MSH3: variants seen among roughly 807,000 people sequenced by gnomAD.
The protein encoded by MSH3 is mutS homolog 3.
In MSH3, 106 loss-of-function variants were observed where a neutral mutation model predicts 123.3. The observed-to-expected ratio is 0.86, with a 90% confidence interval of 0.73 to 1.01. The LOEUF is 1.01. MSH3 is among the 50% of genes least tolerant of loss of function. The pLI is 0.00. For synonymous variants in MSH3, 515 were observed against 481.4 expected, an observed-to-expected ratio of 1.07 and a Z score of -0.91; for missense variants, 1,459 against 1,347.6, an observed-to-expected ratio of 1.08 and a Z score of -1.29.
intron 20 of MSH3, 129 bp downstream of exon 20, chr5:80,813,870 T>C: frequency 1.8e-6 from 2 of 1,088,484 alleles, no homozygotes; most frequent in Non-Finnish European, 2.8e-6. Flanking sequence ...CTTAAATAAA[T>C]TATTTCAAGG....
intron 13 of MSH3, among the ~76,000 whole-genome samples, chr5:80,767,434 A>G (rs1744142050): frequency 1.3e-5 from 2 of 152,094 alleles, no homozygotes; most frequent in South Asian, 2.1e-4. Context: ...GCTATCCTAT[A>G]TTTCTAATTT....
chr5:80,696,259 C>T (rs1248645716), intron 8 of MSH3, among the ~76,000 whole-genome samples: 1 of 152,184 alleles, frequency 6.6e-6, no homozygotes, highest in Non-Finnish European at 1.5e-5. Context: ...AAGGATGAAC[C>T]TCTTGTTTGC....
rs1028283178 is a variant in MSH3, at chr5:80,783,577, G to A, written c.2436-3988G>A. ...TTCTTGCTTTTTTGTTGTTTTAACT[G>A]AAATGGGACCCACTAAGAGCTGTGT... On this transcript the variant is annotated intron_variant, in intron 17 of 23. Transcript: ENST00000265081. 3.3e-5 allele frequency among the ~76,000 whole-genome samples: 5 copies of A among 152,196 alleles called. No individual in the cohort carries two copies. In the South Asian group the frequency reaches 1.0e-3, roughly 32 times the overall value.
intron 20 of MSH3, among the ~76,000 whole-genome samples, chr5:80,822,217 G>T (rs1049063879): frequency 5.3e-5 from 8 of 152,196 alleles, no homozygotes; most frequent in African/African-American, 7.2e-5. Context: ...GAAGTACTGT[G>T]CCATAGTCAA....
intron 20 of MSH3, among the ~76,000 whole-genome samples, chr5:80,821,029 T>C (rs1328086519): frequency 1.3e-5 from 2 of 152,208 alleles, no homozygotes; most frequent in African/African-American, 2.4e-5. Flanking sequence ...CTCTGCAAGA[T>C]GGGATAATCA....
rs35857348 is a variant in MSH3 at position 80,718,495 on chromosome 5, G to GTTT, written c.1341-6942_1341-6940dup. On this transcript the variant is annotated intron_variant, in intron 8 of 23. Coordinates refer to ENST00000265081, the MANE Select transcript of MSH3 (RefSeq NM_002439.5). ...CTTTTTATTCCTATCCTCACCTTTG[G>GTTT]TTTTTTTTTTTTTTTTTTGAAGAAA... Among the ~76,000 whole-genome samples the GTTT allele has an allele frequency of 3.9e-4, 48 of 122,216 alleles. 1 individual carries two copies. The highest frequency in any genetic ancestry group is 5.0e-4 in the Non-Finnish European group (29 of 58,524). The allele number at this position is 122,216 out of a possible 152,430, so 80.2% of individuals were successfully genotyped here.
At chr5:80,767,090 G>A (rs747300042) in intron 13 of MSH3, among the ~76,000 whole-genome samples, 1 of 151,988 alleles carries the variant, frequency 6.6e-6, no homozygotes, top group African/African-American at 2.4e-5. Flanking sequence ...TAGCTGTTTC[G>A]TAGTACTACA....
chr5:80,872,125 T>C (rs1746224554), intron 22 of MSH3, among the ~76,000 whole-genome samples: 1 of 152,200 alleles, frequency 6.6e-6, no homozygotes, highest in African/African-American at 2.4e-5. Context: ...ACCATCTTAA[T>C]CCTGTTATTT....
intron 19 of MSH3, among the ~76,000 whole-genome samples, chr5:80,811,242 G>A (rs1296001620): frequency 6.6e-6 from 1 of 151,974 alleles, no homozygotes; most frequent in African/African-American, 2.4e-5. Context: ...TTACTTTCTA[G>A]CCCTTATACC....
intron 8 of MSH3, among the ~76,000 whole-genome samples, chr5:80,716,889 C>G (rs1750972122): frequency 6.6e-6 from 1 of 152,176 alleles, no homozygotes. Flanking sequence ...CCCCAAAGCT[C>G]TGGTAACCAT....
intron 8 of MSH3, among the ~76,000 whole-genome samples, chr5:80,682,911 A>G (rs550020333): frequency 1.3e-5 from 2 of 152,170 alleles, no homozygotes; most frequent in East Asian, 3.9e-4. Flanking sequence ...CCATGAGTTC[A>G]GTTGTTTTAA....
intron 10 of MSH3, among the ~76,000 whole-genome samples, chr5:80,741,107 AT>A (rs1244390218): frequency 6.6e-6 from 1 of 152,220 alleles, no homozygotes; most frequent in Non-Finnish European, 1.5e-5. Flanking sequence ...TTTCTAGCTG[AT>A]TACACAGCTT....
chr5:80,778,794 A>G lies in MSH3; in HGVS notation c.2393A>G (p.Gln798Arg), dbSNP rs760376846. The G allele has an allele frequency of 2.5e-6, 4 of 1,611,968 alleles. No individual in the cohort carries two copies. In the South Asian group the frequency reaches 4.4e-5, roughly 18 times the overall value. Residue 798 changes from glutamine (Q) to arginine (R), a missense_variant, in exon 17 of 24, where the codon CAG becomes CGG. Coordinates refer to ENST00000265081, the MANE Select transcript of MSH3 (RefSeq NM_002439.5). ...AGACATCTGAATCAGCTCCGGGAGCAGCTAGTCCTTGACTGCAGTGCTGAA... is the reference window on the plus strand; with the variant it reads ...AGACATCTGAATCAGCTCCGGGAGCGGCTAGTCCTTGACTGCAGTGCTGAA... The part of the protein sequence containing the change: ...NYRHLNQLRE[Q>R]LVLDCSAEWL...
chr5:80,836,130 G>A (rs770684962), intron 20 of MSH3, among the ~76,000 whole-genome samples: 12 of 151,986 alleles, frequency 7.9e-5, no homozygotes, highest in Admixed American at 2.0e-4. Flanking sequence ...CAAGGATATC[G>A]TAATCTATAT....
intron 20 of MSH3, among the ~76,000 whole-genome samples, chr5:80,838,747 C>T (rs759961612): frequency 4.6e-5 from 7 of 151,960 alleles, no homozygotes; most frequent in African/African-American, 7.3e-5. Context: ...AAAAGTTATC[C>T]GACTTGCCTA....
At chr5:80,850,421 T>C (rs778346647) in intron 20 of MSH3, among the ~76,000 whole-genome samples, 3 of 152,200 alleles carry the variant, frequency 2.0e-5, no homozygotes, top group Non-Finnish European at 4.4e-5. Flanking sequence ...GATAATGACA[T>C]ACCCGAGGCT....
In MSH3 at chr5:80,728,866, C is replaced by A. The variant is rs76249824; in HGVS notation, c.1469C>A (p.Ser490Tyr). 519 of 1,591,544 alleles carry A rather than the reference C, an allele frequency of 3.3e-4. No individual in the cohort carries two copies. In the African/African-American group the frequency reaches 6.4e-3, roughly 20 times the overall value. The part of the protein sequence containing the change: ...TVDIKGSQII[S>Y]GIVNLEKPVI... ...TGTTTTCTAGGTTCTCAAATTATTT[C>A]TGGCATTGTTAACTTAGAGAAGCCT... Residue 490 changes from serine to tyrosine, a missense_variant, in exon 10 of 24, where the codon TCT becomes TAT. By Grantham distance (144) the Ser-to-Tyr change is moderately radical. Coordinates refer to ENST00000265081, the MANE Select transcript of MSH3 (RefSeq NM_002439.5).
At chr5:80,721,926 T>C (rs1751089821) in intron 8 of MSH3, among the ~76,000 whole-genome samples, 2 of 152,196 alleles carry the variant, frequency 1.3e-5, no homozygotes, top group African/African-American at 4.8e-5. Flanking sequence ...TTTCTGTATC[T>C]TTTACATATG....
chr5:80,830,997 TC>T (rs1398546971), intron 20 of MSH3, among the ~76,000 whole-genome samples: 1 of 152,210 alleles, frequency 6.6e-6, no homozygotes, highest in Non-Finnish European at 1.5e-5. Context: ...AACTTTTTTT[TC>T]TATTATAATA....
Sources: allele counts gnomAD v4.1 joint callset (sites outside exome capture counted in the v4.1 genomes callset), GRCh38; gene constraint gnomAD v4.1.1; transcripts MANE v1.5; gene names NCBI Gene and HGNC (gene_info 2026-07-23, HGNC 2026-07-21).